SLC24A3: variants seen among roughly 807,000 people sequenced by gnomAD.
SLC24A3 encodes the protein sodium/potassium/calcium exchanger 3.
A neutral mutation model predicts 75.8 loss-of-function variants in SLC24A3; 28 were observed. The observed-to-expected ratio is 0.37, with a 90% CI of 0.27 to 0.51. The LOEUF is 0.51. Among genes scored for constraint, SLC24A3 ranks in the 20% least tolerant of loss-of-function variants. SLC24A3 has a pLI of 0.94. For missense variants in SLC24A3, 663 were observed against 847.8 expected (o/e 0.78, Z 2.71); for synonymous variants, 372 against 334.1 (o/e 1.11, Z -1.24).
chr20:19,716,208 C>G (rs1308186025), intron 15 of SLC24A3, among the ~76,000 whole-genome samples: 1 of 152,086 alleles, frequency 6.6e-6, no homozygotes, highest in Non-Finnish European at 1.5e-5. Flanking sequence ...AACCACTGCT[C>G]TAAGGAATCT....
intron 2 of SLC24A3, among the ~76,000 whole-genome samples, chr20:19,388,054 T>C (rs56872261): frequency 0.046 from 6,963 of 152,332 alleles, 535 homozygotes; most frequent in African/African-American, 0.16. Flanking sequence ...TCATGGAGAA[T>C]GGGGTATCCA....
intron 8 of SLC24A3, among the ~76,000 whole-genome samples, chr20:19,666,795 G>C (rs1266747911): frequency 6.6e-6 from 1 of 152,148 alleles, no homozygotes; most frequent in African/African-American, 2.4e-5. Context: ...AACAGAAACT[G>C]TTGCCCAAAT....
chr20:19,653,581 G>C (rs1024820613), intron 6 of SLC24A3, among the ~76,000 whole-genome samples: 1 of 152,194 alleles, frequency 6.6e-6, no homozygotes, highest in African/African-American at 2.4e-5. Context: ...TCATGGCAAA[G>C]GCACAGGTTA....
chr20:19,297,807 G>A (rs1403920663), intron 2 of SLC24A3, among the ~76,000 whole-genome samples: 2 of 152,178 alleles, frequency 1.3e-5, no homozygotes, highest in Non-Finnish European at 2.9e-5. Context: ...TAGAGCTTTG[G>A]TTGACCACAG....
At chr20:19,368,796 G>A (rs1985941722) in intron 2 of SLC24A3, among the ~76,000 whole-genome samples, 1 of 152,172 alleles carries the variant, frequency 6.6e-6, no homozygotes. Flanking sequence ...TCAGCATCCG[G>A]GAGAATTTTC....
chr20:19,284,033 C>T (rs1036270217), intron 2 of SLC24A3: 6 of 152,740 alleles, frequency 3.9e-5, no homozygotes, highest in African/African-American at 1.2e-4. Flanking sequence ...GCCCTGAAGA[C>T]CTCAGGCTTG....
At chr20:19,359,152 G>A (rs61661005) in intron 2 of SLC24A3, among the ~76,000 whole-genome samples, 3,156 of 152,168 alleles carry the variant, frequency 0.021, 41 homozygotes, top group East Asian at 0.036. Context: ...GGAACTGTGG[G>A]GCAATGTAGT....
At chr20:19,547,460 T>C (rs2030619229) in intron 3 of SLC24A3, among the ~76,000 whole-genome samples, 1 of 152,220 alleles carries the variant, frequency 6.6e-6, no homozygotes, top group Non-Finnish European at 1.5e-5. Flanking sequence ...GCTGTGGTGA[T>C]AGTTGCATGA....
chr20:19,715,428 C>T (rs1000093757), intron 15 of SLC24A3, among the ~76,000 whole-genome samples: 1 of 152,158 alleles, frequency 6.6e-6, no homozygotes, highest in Non-Finnish European at 1.5e-5. Context: ...GCTCTAGTGT[C>T]ACAGAGATAT....
At chr20:19,517,962 C>T (rs1348302239) in intron 3 of SLC24A3, among the ~76,000 whole-genome samples, 1 of 152,156 alleles carries the variant, frequency 6.6e-6, no homozygotes, top group Admixed American at 6.5e-5. Flanking sequence ...AATATAAGCC[C>T]CTACCACCAG....
chr20:19,331,794 T>C (rs1985006202), intron 2 of SLC24A3, among the ~76,000 whole-genome samples: 1 of 152,062 alleles, frequency 6.6e-6, no homozygotes, highest in Non-Finnish European at 1.5e-5. Flanking sequence ...AATTAAGGAA[T>C]AAACAAAGAA....
At chr20:19,338,415 C>T (rs1985187884) in intron 2 of SLC24A3, among the ~76,000 whole-genome samples, 2 of 152,168 alleles carry the variant, frequency 1.3e-5, no homozygotes, top group South Asian at 2.1e-4. Context: ...ATGAAGGAGC[C>T]CTCATGTCCT....
Position 19,641,644 on chromosome 20 carries a change from A to T in SLC24A3, c.613-12418A>T, listed in dbSNP as rs185920627. ...ATCTATTAGCCTCATGGGGTGCAGC[A>T]GGAGGGAGCAGTGGTCTCAGTCCCT... On this transcript the variant is annotated intron_variant, in intron 6 of 16. Coordinates refer to ENST00000328041, the MANE Select transcript of SLC24A3 (RefSeq NM_020689.4). Among the ~76,000 whole-genome samples, 141 of 152,304 alleles carry T rather than the reference A, an allele frequency of 9.3e-4. No homozygotes were observed. In the Middle Eastern group the frequency reaches 0.01, roughly 11 times the overall value.
intron 2 of SLC24A3, among the ~76,000 whole-genome samples, chr20:19,318,793 C>T (rs1165890076): frequency 6.6e-6 from 1 of 152,182 alleles, no homozygotes; most frequent in East Asian, 1.9e-4. Flanking sequence ...GTGGGGCAGT[C>T]ATGTCCCCAG....
intron 3 of SLC24A3, among the ~76,000 whole-genome samples, chr20:19,545,613 C>T (rs1220680450): frequency 2.0e-5 from 3 of 152,122 alleles, no homozygotes; most frequent in African/African-American, 7.2e-5. Context: ...GCTGCGTTGC[C>T]ACCCCTCATC....
chr20:19,479,261 C>T (rs1042266579), intron 2 of SLC24A3, among the ~76,000 whole-genome samples: 12 of 152,204 alleles, frequency 7.9e-5, no homozygotes, highest in Admixed American at 2.6e-4. Flanking sequence ...TGACTGTGGG[C>T]GAGCCACAGG....
intron 8 of SLC24A3, among the ~76,000 whole-genome samples, chr20:19,666,540 G>A (rs950621262): frequency 2.0e-5 from 3 of 151,836 alleles, no homozygotes; most frequent in Non-Finnish European, 4.4e-5. Flanking sequence ...TCCAAACCAA[G>A]CTCCATGTTC....
intron 6 of SLC24A3, among the ~76,000 whole-genome samples, chr20:19,630,192 C>T (rs1416368279): frequency 3.9e-5 from 6 of 152,106 alleles, no homozygotes; most frequent in Admixed American, 2.0e-4. Context: ...AGCAAAGTTG[C>T]CCAGATGGAG....
At chr20:19,684,371 CA>C (rs2032649051) in intron 11 of SLC24A3, 35 bp downstream of exon 11, 1 of 1,592,024 alleles carries the variant, frequency 6.3e-7, no homozygotes. Context: ...GCCCACTGGA[CA>C]GGGGTGGGAA....
Sources: gnomAD v4.1 joint callset for allele counts (sites outside exome capture counted in the v4.1 genomes callset) on GRCh38, gnomAD v4.1.1 for gene constraint, MANE v1.5 for transcripts, NCBI Gene and HGNC (gene_info 2026-07-23, HGNC 2026-07-21) for gene names.